The following SMARCC1 variants were observed in gnomAD, a reference collection of about 807,000 sequenced individuals.
SMARCC1 encodes the protein SWI/SNF related BAF chromatin remodeling complex subunit C1, also known as SWI/SNF complex subunit SMARCC1.
Under a neutral mutation model 147.4 loss-of-function variants are expected in SMARCC1, and 43 were observed. The ratio of observed to expected loss-of-function variants is 0.29; its 90% CI spans 0.23 to 0.38. SMARCC1 has a LOEUF of 0.38. Ranked by LOEUF, SMARCC1 falls within the 10% of genes least tolerant of loss-of-function variation. The pLI is 1.00. For missense variants in SMARCC1, 1,119 were observed against 1,381.1 expected (o/e 0.81, Z 3.01); for synonymous variants, 495 against 484.4 (o/e 1.02, Z -0.29).
At chr3:47,721,857 A>T (rs906668987) in intron 6 of SMARCC1, among the ~76,000 whole-genome samples, 3 of 152,148 alleles carry the variant, frequency 2.0e-5, no homozygotes, top group Non-Finnish European at 2.9e-5. Context: ...AAAAAATTTT[A>T]AAAATAAAAG....
chr3:47,768,297 T>C lies in SMARCC1; in HGVS notation c.315+4520A>G, dbSNP rs374069421. The stretch of plus-strand genomic sequence containing the variant: ...TCAATCCCTTTCATCTGGGAAAGTG[T>C]TGAACACCATTTTGAGAGGAAGGCA... On this transcript the variant is annotated intron_variant, in intron 2 of 27. Coordinates refer to ENST00000254480, the MANE Select transcript of SMARCC1 (RefSeq NM_003074.4). 3.9e-5 allele frequency among the ~76,000 whole-genome samples: 6 copies of C among 152,308 alleles called. 1 individual carries two copies. Among genetic ancestry groups the C allele is most frequent in the African/African-American group, 1.4e-4 (6 of 41,570 alleles).
intron 2 of SMARCC1, among the ~76,000 whole-genome samples, chr3:47,766,882 TAC>T (rs2034846560): frequency 6.6e-6 from 1 of 152,096 alleles, no homozygotes; most frequent in Admixed American, 6.6e-5. Context: ...CTTGGGAAGT[TAC>T]TATATAAAGT....
chr3:47,748,872 T>C (rs993479187), intron 2 of SMARCC1, among the ~76,000 whole-genome samples: 1 of 152,124 alleles, frequency 6.6e-6, no homozygotes, highest in Admixed American at 6.6e-5. Context: ...TGAAAGTTAT[T>C]GTTTAATAGA....
At chr3:47,624,345 A>T (rs1221922612) in intron 24 of SMARCC1, among the ~76,000 whole-genome samples, 1 of 152,156 alleles carries the variant, frequency 6.6e-6, no homozygotes, top group South Asian at 2.1e-4. Flanking sequence ...AATTAAAAAG[A>T]TCCACAGCAA....
At chr3:47,755,009 C>T (rs1421906082) in intron 2 of SMARCC1, among the ~76,000 whole-genome samples, 1 of 152,148 alleles carries the variant, frequency 6.6e-6, no homozygotes, top group Non-Finnish European at 1.5e-5. Flanking sequence ...TGCCACTGCA[C>T]TCCAGCCTGG....
intron 1 of SMARCC1, among the ~76,000 whole-genome samples, chr3:47,777,401 A>G (rs9311411): frequency 0.087 from 13,150 of 151,138 alleles, 1,874 homozygotes; most frequent in African/African-American, 0.3. Context: ...TAATAACTAC[A>G]GTGAATATAG....
intron 24 of SMARCC1, among the ~76,000 whole-genome samples, chr3:47,626,188 C>T (rs1202138165): frequency 2.0e-5 from 3 of 151,442 alleles, no homozygotes; most frequent in Non-Finnish European, 2.9e-5. Flanking sequence ...GCTTTGTCGC[C>T]CAGGCTGGAG....
At chr3:47,725,210 G>A (rs912682312) in intron 6 of SMARCC1, among the ~76,000 whole-genome samples, 2 of 151,762 alleles carry the variant, frequency 1.3e-5, no homozygotes, top group Non-Finnish European at 2.9e-5. Context: ...TGAAAAGAGT[G>A]AGACATAAGA....
At chr3:47,722,755 A>G (rs1302032735) in intron 6 of SMARCC1, among the ~76,000 whole-genome samples, 1 of 152,240 alleles carries the variant, frequency 6.6e-6, no homozygotes, top group East Asian at 1.9e-4. Context: ...CTGAATGACA[A>G]AAGAGTAAGG....
intron 25 of SMARCC1, among the ~76,000 whole-genome samples, chr3:47,618,669 C>T (rs1252180806): frequency 1.3e-5 from 2 of 152,244 alleles, no homozygotes; most frequent in East Asian, 3.9e-4. Context: ...TTATACACTG[C>T]CCCTTGGTGT....
At chr3:47,622,174 T>C (rs745592166) in intron 25 of SMARCC1, 33 bp downstream of exon 25, 73 of 1,585,138 alleles carry the variant, frequency 4.6e-5, no homozygotes, top group Non-Finnish European at 6.0e-5. Flanking sequence ...GGTTTAATTG[T>C]GAAAAAGCCA....
intron 4 of SMARCC1, among the ~76,000 whole-genome samples, chr3:47,737,024 G>A (rs2034452167): frequency 6.6e-6 from 1 of 152,042 alleles, no homozygotes; most frequent in South Asian, 2.1e-4. Context: ...TATATTTATG[G>A]TACAACCATG....
chr3:47,595,159 G>T (rs1188520019), intron 26 of SMARCC1, among the ~76,000 whole-genome samples: 1 of 152,144 alleles, frequency 6.6e-6, no homozygotes, highest in Non-Finnish European at 1.5e-5. Flanking sequence ...GAGGACATCT[G>T]GCGGTTCTCA....
intron 25 of SMARCC1, among the ~76,000 whole-genome samples, chr3:47,620,616 T>C (rs1230191603): frequency 6.6e-6 from 1 of 152,222 alleles, no homozygotes; most frequent in Non-Finnish European, 1.5e-5. Flanking sequence ...TTGGCCCTTT[T>C]CATAATTCTC....
At chr3:47,665,375 G>C (rs1416033685) in intron 19 of SMARCC1, among the ~76,000 whole-genome samples, 1 of 152,158 alleles carries the variant, frequency 6.6e-6, no homozygotes, top group Non-Finnish European at 1.5e-5. Flanking sequence ...CGGGTCCACG[G>C]AAGTAGAAAT....
chr3:47,672,847 C>T (rs139921454), intron 18 of SMARCC1, among the ~76,000 whole-genome samples: 9 of 152,188 alleles, frequency 5.9e-5, no homozygotes, highest in East Asian at 1.9e-4. Flanking sequence ...GTCATGAACT[C>T]GGCTCACTGC....
At chr3:47,746,918 C>T (rs1334546079) in intron 2 of SMARCC1, among the ~76,000 whole-genome samples, 6 of 151,744 alleles carry the variant, frequency 4.0e-5, no homozygotes, top group Non-Finnish European at 8.8e-5. Context: ...TTAGTAGAGA[C>T]AGGGTTTCTC....
intron 26 of SMARCC1, among the ~76,000 whole-genome samples, chr3:47,597,365 C>T (rs563714858): frequency 9.6e-4 from 146 of 152,064 alleles, no homozygotes; most frequent in African/African-American, 3.2e-3. Flanking sequence ...TTTTTTGAGA[C>T]GGAGTCTCAC....
intron 25 of SMARCC1, among the ~76,000 whole-genome samples, chr3:47,612,146 G>A (rs1340359329): frequency 6.6e-6 from 1 of 152,162 alleles, no homozygotes. Context: ...TAAACAGCAA[G>A]AGAATCTTCT....
Sources: allele counts gnomAD v4.1 joint callset (sites outside exome capture counted in the v4.1 genomes callset), GRCh38; gene constraint gnomAD v4.1.1; transcripts MANE v1.5; gene names NCBI Gene and HGNC (gene_info 2026-07-23, HGNC 2026-07-21).